The following TGM3 variants were observed in gnomAD, a reference collection of about 807,000 sequenced individuals.
The protein encoded by TGM3 is transglutaminase 3, also known as protein-glutamine gamma-glutamyltransferase E.
Under a neutral mutation model 73.8 loss-of-function variants are expected in TGM3, and 52 were observed. The observed-to-expected ratio is 0.70, with a 90% confidence interval of 0.56 to 0.89. The LOEUF is 0.89. Among genes scored for constraint, TGM3 ranks in the 40% least tolerant of loss-of-function variants. The probability of loss-of-function intolerance (pLI) is 0.00; values close to 1 mark genes in which losing one functional copy is unlikely to be tolerated. For missense variants in TGM3, 928 were observed against 909.9 expected (o/e 1.02, Z -0.26); for synonymous variants, 372 against 354.9 (o/e 1.05, Z -0.54).
At chr20:2,325,719 C>A in intron 7 of TGM3, 130 bp from the exon 8 acceptor site, 1 of 691,494 alleles carries the variant, frequency 1.4e-6, no homozygotes. Flanking sequence ...CTTAGCATAA[C>A]CGCCGTCACA....
intron 11 of TGM3, among the ~76,000 whole-genome samples, chr20:2,335,577 CTT>C (rs1428503534): frequency 6.6e-6 from 1 of 152,252 alleles, no homozygotes; most frequent in African/African-American, 2.4e-5. Context: ...CTGGGGGACT[CTT>C]TTCAGCTCAT....
At chr20:2,340,033 C>CGGGGGCTGGGGGGGGGGGGGGGGGG in intron 12 of TGM3, 46 bp downstream of exon 12, 1 of 196,588 alleles carries the variant, frequency 5.1e-6, no homozygotes, top group Non-Finnish European at 9.7e-6. Context: ...CGGGAGGGGG[C>CGGGGGCTGGGGGGGGGGGGGGGGGG]GGGGGGGCCC....
At chr20:2,327,335 G>T (rs1377102973) in intron 8 of TGM3, among the ~76,000 whole-genome samples, 1 of 152,036 alleles carries the variant, frequency 6.6e-6, no homozygotes, top group East Asian at 1.9e-4. Context: ...AATTAGCCGG[G>T]CGTGGTGGCG....
intron 10 of TGM3, 32 bp from the exon 11 acceptor site, chr20:2,335,084 C>A (rs767842254): frequency 6.2e-7 from 1 of 1,613,120 alleles, no homozygotes; most frequent in African/African-American, 1.3e-5. Flanking sequence ...CCCCACTCCC[C>A]CTCACTCGGA....
rs1301932395 is a variant in TGM3 at position 2,332,207 on chromosome 20, G to T, written c.1539G>T (p.Lys513Asn). The change falls in exon 10 of 13, where the codon AAG (lysine) becomes AAT (asparagine). Residue 513 changes from lysine to asparagine, a missense_variant. Lys to Asn is a moderately conservative substitution (Grantham distance 94). Coordinates refer to ENST00000381458, the MANE Select transcript of TGM3 (RefSeq NM_003245.4). The surrounding 1 kb of genome is among the most constrained non-coding windows in gnomAD (Gnocchi z 4.4). ...LLLKNLSRDT[K>N]TVTVNMTAWT... ...TCAAAAACCTGAGCAGGGATACGAA[G>T]ACAGTGACAGTGAACATGACAGCCT... 2.5e-6 allele frequency: 4 copies of T among 1,613,936 alleles called. No individual in the cohort carries two copies. Among genetic ancestry groups the T allele is most frequent in the East Asian group, 2.2e-5 (1 of 44,894 alleles).
At chr20:2,326,064 G>T in intron 8 of TGM3, 112 bp downstream of exon 8, 1 of 1,053,638 alleles carries the variant, frequency 9.5e-7, no homozygotes, top group Admixed American at 2.4e-5. Flanking sequence ...TGCATGATGG[G>T]ATTAAAACAA....
At chr20:2,331,565 A>ATT (rs2084321042) in intron 9 of TGM3, among the ~76,000 whole-genome samples, 1 of 152,216 alleles carries the variant, frequency 6.6e-6, no homozygotes, top group Non-Finnish European at 1.5e-5. Flanking sequence ...AAATTTTTTA[A>ATT]TTAAGTCAGT....
chr20:2,308,322 C>T (rs980015116), intron 1 of TGM3, among the ~76,000 whole-genome samples: 9 of 152,236 alleles, frequency 5.9e-5, no homozygotes, highest in Non-Finnish European at 8.8e-5. Flanking sequence ...TGCACCTTCA[C>T]ACTCTCATCA....
chr20:2,301,316 G>A (rs184322453), intron 1 of TGM3, among the ~76,000 whole-genome samples: 2 of 150,656 alleles, frequency 1.3e-5, no homozygotes, highest in Admixed American at 1.3e-4. Context: ...ACAGCCTGTC[G>A]GTGACCAGGA....
intron 9 of TGM3, among the ~76,000 whole-genome samples, chr20:2,330,439 A>G (rs1401348281): frequency 6.6e-6 from 1 of 152,220 alleles, no homozygotes; most frequent in Non-Finnish European, 1.5e-5. Flanking sequence ...AACCCAGCCC[A>G]CCAGGAACTA....
intron 12 of TGM3, 79 bp from the exon 13 acceptor site, chr20:2,340,355 G>C: frequency 6.3e-7 from 1 of 1,579,722 alleles, no homozygotes; most frequent in South Asian, 1.2e-5. Context: ...ATCAGAACAG[G>C]ACAGGAGGTC....
intron 7 of TGM3, among the ~76,000 whole-genome samples, chr20:2,320,389 A>G (rs1235422033): frequency 6.6e-6 from 1 of 152,160 alleles, no homozygotes; most frequent in Non-Finnish European, 1.5e-5. Flanking sequence ...TTTCATCCCC[A>G]ATTTATTTTT....
intron 7 of TGM3, among the ~76,000 whole-genome samples, chr20:2,318,666 T>G (rs2084248166): frequency 6.6e-6 from 1 of 152,196 alleles, no homozygotes; most frequent in Admixed American, 6.5e-5. Context: ...CACACATAAT[T>G]GCTCACATGC....
chr20:2,310,539 G>T (rs1382699870), intron 3 of TGM3, 122 bp downstream of exon 3: 10 of 1,470,120 alleles, frequency 6.8e-6, no homozygotes, highest in East Asian at 2.3e-5. Context: ...TGTGGAAAGG[G>T]CGCAGAAGCT....
chr20:2,326,141 C>G, intron 8 of TGM3, 189 bp downstream of exon 8: 1 of 623,404 alleles, frequency 1.6e-6, no homozygotes, highest in African/African-American at 1.8e-5. Flanking sequence ...AAATGAGTGC[C>G]TGCCCTGCAC....
At chr20:2,302,087 G>A (rs1449944000) in intron 1 of TGM3, among the ~76,000 whole-genome samples, 1 of 152,214 alleles carries the variant, frequency 6.6e-6, no homozygotes, top group Non-Finnish European at 1.5e-5. Flanking sequence ...GGTGTGGGAA[G>A]TAGAGTCTGG....
Position 2,332,345 on chromosome 20 carries a change from T to G in TGM3, c.1642+35T>G. 16 of 1,530,632 alleles carry G rather than the reference T, an allele frequency of 1.0e-5. No homozygotes were observed. Among genetic ancestry groups the G allele is most frequent in the Non-Finnish European group, 1.3e-5 (15 of 1,138,634 alleles). The allele number at this position is 1,530,632 out of a possible 1,614,324, so 94.8% of individuals were successfully genotyped here. ...CCCGCAGTTGGAGGAGATCCACGAA[T>G]CCGAGGTAGCCAATGGCCTTCTGGG... On this transcript the variant is annotated intron_variant, in intron 10 of 12. Coordinates refer to ENST00000381458, the MANE Select transcript of TGM3 (RefSeq NM_003245.4). This position sits in a 1 kb window ranked among gnomAD's most constrained non-coding sequence, Gnocchi z 4.4.
intron 11 of TGM3, among the ~76,000 whole-genome samples, chr20:2,338,836 C>T (rs1480448498): frequency 2.0e-5 from 3 of 152,196 alleles, no homozygotes; most frequent in Non-Finnish European, 4.4e-5. Context: ...CTCATTTGAC[C>T]CCTTCTGGGA....
At chr20:2,340,027 A>AGGGGGTGGGGGGGGGGGGGGGG in intron 12 of TGM3, 40 bp downstream of exon 12, 1 of 133,152 alleles carries the variant, frequency 7.5e-6, no homozygotes, top group Middle Eastern at 6.8e-4. Context: ...GGAGGGCGGG[A>AGGGGGTGGGGGGGGGGGGGGGG]GGGGGCGGGG....
Sources: gnomAD v4.1 joint callset for allele counts (sites outside exome capture counted in the v4.1 genomes callset) on GRCh38, gnomAD v4.1.1 for gene constraint, Gnocchi (gnomAD v3.1) non-coding constraint, MANE v1.5 for transcripts, NCBI Gene and HGNC (gene_info 2026-07-23, HGNC 2026-07-21) for gene names.